The following PRKCH variants were observed in gnomAD, a reference collection of about 807,000 sequenced individuals.
PRKCH encodes protein kinase C eta.
A neutral mutation model predicts 82.5 loss-of-function variants in PRKCH; 28 were observed. That is an observed-to-expected ratio of 0.34 (90% CI 0.25 to 0.47). The LOEUF (loss-of-function observed/expected upper bound fraction) is 0.47. Ranked by LOEUF, PRKCH falls within the 20% of genes least tolerant of loss-of-function variation. The probability of loss-of-function intolerance (pLI) is 1.00; values close to 1 mark genes in which losing one functional copy is unlikely to be tolerated. For synonymous variants in PRKCH, 322 were observed against 327.4 expected, an observed-to-expected ratio of 0.98 and a Z score of 0.18; for missense variants, 705 against 881.8, an observed-to-expected ratio of 0.80 and a Z score of 2.54.
intron 1 of PRKCH, among the ~76,000 whole-genome samples, chr14:61,381,045 T>A (rs2046501817): frequency 6.6e-6 from 1 of 152,216 alleles, no homozygotes; most frequent in Non-Finnish European, 1.5e-5. Flanking sequence ...GTTTCTTTAG[T>A]AGTCTTCAGA....
intron 12 of PRKCH, among the ~76,000 whole-genome samples, chr14:61,547,384 T>C (rs905866398): frequency 9.2e-5 from 14 of 152,194 alleles, no homozygotes; most frequent in African/African-American, 3.4e-4. Flanking sequence ...ATTCATAAGA[T>C]GTCTGCTGCC....
chr14:61,260,260 G>A (rs1035770406), intron 1 of PRKCH, among the ~76,000 whole-genome samples: 1 of 152,140 alleles, frequency 6.6e-6, no homozygotes, highest in Non-Finnish European at 1.5e-5. Flanking sequence ...TAGTGTAATT[G>A]CATTGTCCTG....
At chr14:61,239,705 C>T (rs755564779) in intron 1 of PRKCH, among the ~76,000 whole-genome samples, 11 of 152,184 alleles carry the variant, frequency 7.2e-5, no homozygotes, top group Non-Finnish European at 1.3e-4. Flanking sequence ...ACACTAAACC[C>T]TCTGGTTTCA....
chr14:61,324,048 A>T (rs572314906), intron 1 of PRKCH, among the ~76,000 whole-genome samples: 75 of 152,296 alleles, frequency 4.9e-4, no homozygotes, highest in African/African-American at 1.6e-3. Flanking sequence ...CCTTTAAAAA[A>T]TCCCCACTTT....
At position 61,280,814 on chromosome 14, in the gene PRKCH, A is replaced by G. The variant is rs142725512; in HGVS notation, c.-19+93146A>G. 16 of 1,564,600 alleles carry G rather than the reference A, an allele frequency of 1.0e-5. No individual in the cohort carries two copies. The highest frequency in any genetic ancestry group is 1.4e-5 in the Non-Finnish European group (16 of 1,164,286). On this transcript the variant is annotated intron_variant, in intron 1 of 3. Coordinates refer to the PRKCH transcript ENST00000555185. This position sits in a 1 kb window ranked among gnomAD's most constrained non-coding sequence, Gnocchi z 5.0. ...TTCTGGTAGAAGTTGGTCAGCTCGT[A>G]GTAGAGGTACACTGGGCCCTGGAAG... is the stretch of plus-strand genomic sequence containing the variant.
chr14:61,508,639 A>T (rs1415403454), intron 10 of PRKCH, among the ~76,000 whole-genome samples: 1 of 152,152 alleles, frequency 6.6e-6, no homozygotes, highest in Non-Finnish European at 1.5e-5. Flanking sequence ...CCCAGTTTCC[A>T]TCTGGGTATC....
intron 1 of PRKCH, among the ~76,000 whole-genome samples, chr14:61,245,041 T>C (rs1355158325): frequency 6.6e-6 from 1 of 152,198 alleles, no homozygotes; most frequent in African/African-American, 2.4e-5. Flanking sequence ...TTGAAGACTG[T>C]TATGTACCCA....
intron 9 of PRKCH, among the ~76,000 whole-genome samples, chr14:61,481,003 A>G (rs537462955): frequency 2.0e-5 from 3 of 151,182 alleles, no homozygotes; most frequent in Admixed American, 2.0e-4. Flanking sequence ...TTCCCCCCAA[A>G]CCCCACCTGC....
intron 12 of PRKCH, among the ~76,000 whole-genome samples, chr14:61,540,288 G>C (rs2043166038): frequency 1.3e-5 from 2 of 152,222 alleles, no homozygotes; most frequent in Admixed American, 6.5e-5. Flanking sequence ...GAAACACACA[G>C]AGTGCGTGAA....
chr14:61,374,834 C>G (rs1485979800), intron 1 of PRKCH, among the ~76,000 whole-genome samples: 1 of 151,718 alleles, frequency 6.6e-6, no homozygotes, highest in African/African-American at 2.4e-5. Context: ...TGGAGATCTT[C>G]CCATTATCTT....
intron 2 of PRKCH, among the ~76,000 whole-genome samples, chr14:61,410,016 G>GTT (rs1197264783): frequency 6.6e-6 from 1 of 152,164 alleles, no homozygotes; most frequent in Non-Finnish European, 1.5e-5. Flanking sequence ...AATAAATTGA[G>GTT]TTGGTTCACT....
At chr14:61,505,821 C>A (rs2139962025) in intron 10 of PRKCH, among the ~76,000 whole-genome samples, 1 of 152,204 alleles carries the variant, frequency 6.6e-6, no homozygotes, top group Admixed American at 6.5e-5. Flanking sequence ...AACATTCAGT[C>A]TATAGCAGTA....
rs1886380820 is a variant in PRKCH at position 61,489,763 on chromosome 14, CT to C, written c.1433+4113del. Among the ~76,000 whole-genome samples, 3 of 152,300 alleles carry C rather than the reference CT, an allele frequency of 2.0e-5. No individual in the cohort carries two copies. The South Asian group carries it at 6.2e-4, about 32-fold the overall frequency. On this transcript the variant is annotated intron_variant, in intron 10 of 13. Coordinates refer to ENST00000332981, the MANE Select transcript of PRKCH (RefSeq NM_006255.5). The stretch of plus-strand genomic sequence containing the variant: ...ATGAATAATTTACTCATGGTGTTGA[CT>C]TTTTTCCGGAGTCAAGCCCTACAGA...
rs766413286 is a variant in PRKCH at position 61,443,060 on chromosome 14, G to A, written c.428-51G>A. On this transcript the variant is annotated intron_variant, in intron 2 of 13. Coordinates refer to ENST00000332981, the MANE Select transcript of PRKCH (RefSeq NM_006255.5). ...TATCAAACTTTCTCATCTATTAGGT[G>A]CGTTAGGTTCCTTACATCTTATTCT... is the stretch of plus-strand genomic sequence containing the variant. The A allele has an allele frequency of 7.8e-6, 12 of 1,543,218 alleles. 1 individual carries two copies. The highest frequency in any genetic ancestry group is 1.1e-5 in the Non-Finnish European group (12 of 1,129,998).
At chr14:61,224,417 GTCCTTTT>G (rs2044679754) in intron 1 of PRKCH, among the ~76,000 whole-genome samples, 1 of 152,122 alleles carries the variant, frequency 6.6e-6, no homozygotes, top group South Asian at 2.1e-4. Flanking sequence ...TTCCATGGAT[GTCCTTTT>G]TCTGGTCTAG....
intron 1 of PRKCH, among the ~76,000 whole-genome samples, chr14:61,307,432 C>T (rs2045492122): frequency 6.6e-6 from 1 of 152,164 alleles, no homozygotes. Flanking sequence ...GCAATCTAAA[C>T]AATAATGCTG....
rs765731527 is a variant in PRKCH at position 61,280,653 on chromosome 14, G to A, written c.-19+92985G>A. ...AGGAGTCGTTGAAGAGGCTGTTGGCGATGGCGCCGCAGGGCGCGATGGGCA... is the reference window on the plus strand; with the variant it reads ...AGGAGTCGTTGAAGAGGCTGTTGGCAATGGCGCCGCAGGGCGCGATGGGCA... On this transcript the variant is annotated intron_variant, in intron 1 of 3. Coordinates refer to the PRKCH transcript ENST00000555185. The surrounding 1 kb of genome is among the most constrained non-coding windows in gnomAD (Gnocchi z 5.0). 7 of 1,571,464 alleles carry A rather than the reference G, an allele frequency of 4.5e-6. No individual in the cohort carries two copies. The African/African-American group carries it at 6.8e-5, about 15-fold the overall frequency.
intron 1 of PRKCH, among the ~76,000 whole-genome samples, chr14:61,297,429 T>C (rs1425881513): frequency 6.6e-6 from 1 of 152,176 alleles, no homozygotes; most frequent in Admixed American, 6.5e-5. Flanking sequence ...TTCCTTCACC[T>C]CCACTTCAGA....
rs562759909 is a variant in PRKCH, at chr14:61,528,948, G to A, written c.1434-127G>A. On this transcript the variant is annotated intron_variant, in intron 10 of 13. Transcript: ENST00000332981. ...GTTCCTTTTGACGTGTGTACAGGAA[G>A]CTCATGCGGCCGCATGTGGCCGCAC... The A allele has an allele frequency of 1.8e-4, 167 of 917,966 alleles. 1 individual carries two copies. Among genetic ancestry groups the A allele is most frequent in the South Asian group, 3.4e-4 (18 of 53,394 alleles). The allele number at this position is 917,966 out of a possible 1,614,324, so 56.9% of individuals were successfully genotyped here. A position where few individuals can be genotyped will look rare whatever the true frequency, so the allele number is the denominator to read the frequency against.
Sources: gnomAD v4.1 joint callset for allele counts (sites outside exome capture counted in the v4.1 genomes callset) on GRCh38, gnomAD v4.1.1 for gene constraint, Gnocchi (gnomAD v3.1) non-coding constraint, MANE v1.5 for transcripts, NCBI Gene and HGNC (gene_info 2026-07-23, HGNC 2026-07-21) for gene names.